Variants in ARHGEF11 observed in about 807,000 individuals in gnomAD.
ARHGEF11 encodes the protein Rho guanine nucleotide exchange factor 11.
ARHGEF11 carries 55 observed loss-of-function variants against 193.7 expected under a neutral mutation model. That is an observed-to-expected ratio of 0.28 (90% CI 0.23 to 0.36). The LOEUF (loss-of-function observed/expected upper bound fraction) is 0.36, where lower values mean the gene tolerates loss of function less well. ARHGEF11 is among the 10% of genes least tolerant of loss of function. The pLI, the probability that ARHGEF11 is intolerant of heterozygous loss-of-function variation, is 1.00. For synonymous variants in ARHGEF11, 693 were observed against 768.0 expected, an observed-to-expected ratio of 0.90 and a Z score of 1.62; for missense variants, 1,723 against 2,005.6, an observed-to-expected ratio of 0.86 and a Z score of 2.69.
intron 11 of ARHGEF11, among the ~76,000 whole-genome samples, chr1:156,964,924 T>A (rs182229896): frequency 1.8e-4 from 27 of 152,308 alleles, no homozygotes; most frequent in Non-Finnish European, 3.4e-4. Flanking sequence ...GGATTTTTTT[T>A]AAAGTCTTTA....
intron 19 of ARHGEF11, 58 bp downstream of exon 19, chr1:156,956,362 G>A (rs1659950537): frequency 6.3e-6 from 10 of 1,581,278 alleles, no homozygotes; most frequent in Admixed American, 1.7e-5. Flanking sequence ...GCAATCACCC[G>A]CCTTGGCATT....
chr1:156,986,398 C>T (rs1653797102), intron 1 of ARHGEF11, among the ~76,000 whole-genome samples: 1 of 152,102 alleles, frequency 6.6e-6, no homozygotes, highest in Non-Finnish European at 1.5e-5. Context: ...CTTTAATACC[C>T]AGCAAGGTGT....
At chr1:156,980,290 T>C in intron 4 of ARHGEF11, 147 bp downstream of exon 4, 1 of 875,242 alleles carries the variant, frequency 1.1e-6, no homozygotes. Flanking sequence ...TATACCACTG[T>C]GCTCCCTCGT....
intron 15 of ARHGEF11, 144 bp from the exon 16 acceptor site, chr1:156,959,286 G>A: frequency 2.9e-6 from 2 of 682,664 alleles, no homozygotes; most frequent in South Asian, 3.7e-5. Context: ...TCTAAAAGGA[G>A]AGGAGGCCTG....
rs778918750 is a variant in ARHGEF11 at position 156,945,196 on chromosome 1, A to T, written c.2814T>A (p.Gly938=). The T allele has an allele frequency of 6.2e-7, 1 of 1,613,348 alleles. No individual in the cohort carries two copies. The highest frequency in any genetic ancestry group is 8.5e-7 in the Non-Finnish European group (1 of 1,179,654). ...ACAGCTTCTCATGCTCAGAGGTGCC[A>T]CCTACCAAAATGGACAGAAGAGATG... ...LLESIIKHTE[G]GTSEHEKLCR... is the part of the protein sequence containing the mutation. The change falls in exon 30 of 41, where the codon GGT becomes GGA. Residue 938 remains glycine (G), a splice_region_variant and synonymous_variant. Coordinates refer to ENST00000368194, the MANE Select transcript of ARHGEF11 (RefSeq NM_198236.3).
intron 1 of ARHGEF11, among the ~76,000 whole-genome samples, chr1:157,026,366 G>A (rs1043070730): frequency 6.6e-6 from 1 of 152,154 alleles, no homozygotes; most frequent in African/African-American, 2.4e-5. Context: ...TAATGGGAGT[G>A]CATTTTTTCA....
chr1:156,996,175 T>C (rs939177565), intron 1 of ARHGEF11, among the ~76,000 whole-genome samples: 1 of 152,174 alleles, frequency 6.6e-6, no homozygotes, highest in Non-Finnish European at 1.5e-5. Context: ...CTGGTGACCC[T>C]GTAAGAACTA....
chr1:156,997,370 A>G (rs1666668569), intron 1 of ARHGEF11, among the ~76,000 whole-genome samples: 1 of 152,212 alleles, frequency 6.6e-6, no homozygotes, highest in South Asian at 2.1e-4. Context: ...AGGATTATAG[A>G]TTTGATTATT....
intron 1 of ARHGEF11, among the ~76,000 whole-genome samples, chr1:156,999,280 C>T (rs1571430819): frequency 2.0e-5 from 3 of 152,134 alleles, no homozygotes; most frequent in African/African-American, 2.4e-5. Flanking sequence ...TTACATAAGT[C>T]GCCCCAGGCC....
At chr1:156,995,404 G>A (rs994559445) in intron 1 of ARHGEF11, among the ~76,000 whole-genome samples, 1 of 152,106 alleles carries the variant, frequency 6.6e-6, no homozygotes, top group Non-Finnish European at 1.5e-5. Context: ...CTTGGCCTGG[G>A]GAACCCACAC....
At chr1:156,937,618 C>T (rs995758450) in intron 38 of ARHGEF11, 122 bp from the exon 39 acceptor site, 4 of 1,099,710 alleles carry the variant, frequency 3.6e-6, no homozygotes, top group South Asian at 1.8e-5. Flanking sequence ...TCCAGACAAA[C>T]TCAGAGAACG....
intron 32 of ARHGEF11, 34 bp downstream of exon 32, chr1:156,943,901 G>A (rs1208444901): frequency 6.3e-7 from 1 of 1,586,492 alleles, no homozygotes; most frequent in African/African-American, 1.3e-5. Context: ...TGGTCCCTGA[G>A]CCCCAGGCCA....
chr1:156,959,015 A>G, intron 16 of ARHGEF11, 31 bp downstream of exon 16: 1 of 1,612,726 alleles, frequency 6.2e-7, no homozygotes, highest in Non-Finnish European at 8.5e-7. Context: ...GTGAACGAGG[A>G]GAGAGGTGGG....
chr1:156,942,612 G>A, intron 33 of ARHGEF11, 78 bp downstream of exon 33: 2 of 1,359,054 alleles, frequency 1.5e-6, no homozygotes, highest in Non-Finnish European at 2.1e-6. Context: ...ACCTGGCCTT[G>A]CTACCCACTG....
chr1:156,947,819 A>C lies in ARHGEF11; in HGVS notation c.2291T>G (p.Val764Gly). ...QNWQHTVGKD[V>G]VAGLTQREID... ...CTCCCGCTGGGTTAGCCCAGCCACCACATCCTTGCCCACTGTATGCTGCCA... is the reference window on the plus strand; with the variant it reads ...CTCCCGCTGGGTTAGCCCAGCCACCCCATCCTTGCCCACTGTATGCTGCCA... The change falls in exon 25 of 41, where the codon GTG (valine) becomes GGG (glycine). Residue 764 changes from valine (V) to glycine (G), a missense_variant. Coordinates refer to ENST00000368194, the MANE Select transcript of ARHGEF11 (RefSeq NM_198236.3). The C allele has an allele frequency of 6.2e-7, 1 of 1,613,858 alleles. No individual in the cohort carries two copies. The highest frequency in any genetic ancestry group is 8.5e-7 in the Non-Finnish European group (1 of 1,179,964).
At chr1:157,033,013 CT>C in intron 1 of ARHGEF11, among the ~76,000 whole-genome samples, 1 of 152,186 alleles carries the variant, frequency 6.6e-6, no homozygotes, top group East Asian at 1.9e-4. Flanking sequence ...GTGCACAGCC[CT>C]TTGCTCTCTC....
chr1:157,022,177 C>A (rs1320223814), intron 1 of ARHGEF11, among the ~76,000 whole-genome samples: 1 of 152,132 alleles, frequency 6.6e-6, no homozygotes, highest in African/African-American at 2.4e-5. Flanking sequence ...TGTGCTGAGT[C>A]TAGCTAGGGA....
intron 6 of ARHGEF11, among the ~76,000 whole-genome samples, chr1:156,977,722 T>C (rs1212805793): frequency 6.6e-6 from 1 of 152,158 alleles, no homozygotes; most frequent in East Asian, 1.9e-4. Flanking sequence ...CCTCTACTTG[T>C]TTTTGTCCTT....
chr1:156,953,295 C>T (rs919316935), intron 21 of ARHGEF11, among the ~76,000 whole-genome samples: 25 of 152,244 alleles, frequency 1.6e-4, no homozygotes, highest in Admixed American at 1.2e-3. Context: ...ATAAATTAGC[C>T]AGGTGTGGTG....
Sources: allele counts gnomAD v4.1 joint callset (sites outside exome capture counted in the v4.1 genomes callset), GRCh38; gene constraint gnomAD v4.1.1; transcripts MANE v1.5; gene names NCBI Gene and HGNC (gene_info 2026-07-23, HGNC 2026-07-21).